ARID1B: variants seen among roughly 807,000 people sequenced by gnomAD.
The protein encoded by ARID1B is AT-rich interactive domain-containing protein 1B.
In ARID1B, 30 loss-of-function variants were observed where a neutral mutation model predicts 212.3. That is an observed-to-expected ratio of 0.14 (90% CI 0.11 to 0.19). ARID1B has a LOEUF of 0.19. ARID1B is among the 10% of genes least tolerant of loss of function. The probability of loss-of-function intolerance (pLI) is 1.00; values close to 1 mark genes in which losing one functional copy is unlikely to be tolerated. For missense variants in ARID1B, 2,891 were observed against 3,204.0 expected (o/e 0.90, Z 2.36); for synonymous variants, 1,402 against 1,301.7 (o/e 1.08, Z -1.66).
rs138087601 is a variant in ARID1B, at chr6:156,945,494, A to G, written c.2247+9918A>G. Among the ~76,000 whole-genome samples the G allele has an allele frequency of 5.5e-3, 839 of 151,842 alleles. 8 individuals are homozygous for G. Among genetic ancestry groups the G allele is most frequent in the African/African-American group, 0.02 (809 of 41,374 alleles). ...GCGGCCTCCTGGCACCTGTGCCTGC[A>G]GATTCTTTCCTGTTTTTAGAATTTC... On this transcript the variant is annotated intron_variant, in intron 4 of 19. Transcript: ENST00000636930.
chr6:156,976,062 A>C (rs769042818), intron 4 of ARID1B, among the ~76,000 whole-genome samples: 1 of 152,116 alleles, frequency 6.6e-6, no homozygotes, highest in Non-Finnish European at 1.5e-5. Flanking sequence ...CATAAAGTAC[A>C]TAAGCGCAAG....
intron 5 of ARID1B, among the ~76,000 whole-genome samples, chr6:157,104,245 A>G (rs1786305686): frequency 6.6e-6 from 1 of 152,246 alleles, no homozygotes; most frequent in Non-Finnish European, 1.5e-5. Context: ...GGAAGTAGCA[A>G]TGGAGAGATA....
chr6:157,152,507 C>G (rs1181506926), intron 8 of ARID1B: 1 of 152,178 alleles, frequency 6.6e-6, no homozygotes, highest in Non-Finnish European at 1.5e-5. Flanking sequence ...TGAATTTTAA[C>G]TTTTATGTCT....
intron 4 of ARID1B, among the ~76,000 whole-genome samples, chr6:156,947,755 G>GA (rs1306100226): frequency 1.3e-5 from 2 of 152,046 alleles, no homozygotes; most frequent in Non-Finnish European, 2.9e-5. Context: ...GGGATGAAGG[G>GA]AAAAACTTTT....
chr6:157,126,135 A>G (rs1231347259), intron 6 of ARID1B, among the ~76,000 whole-genome samples: 1 of 152,206 alleles, frequency 6.6e-6, no homozygotes, highest in Admixed American at 6.5e-5. Context: ...CGCAGTGACT[A>G]AAGGGCTCAC....
chr6:157,093,178 C>T (rs868215167), intron 5 of ARID1B, among the ~76,000 whole-genome samples: 3 of 152,316 alleles, frequency 2.0e-5, no homozygotes, highest in Admixed American at 2.0e-4. Flanking sequence ...CACTTGAGTA[C>T]ATTTTGGAAA....
intron 2 of ARID1B, among the ~76,000 whole-genome samples, chr6:156,876,956 G>A (rs1477504443): frequency 1.3e-5 from 2 of 152,122 alleles, no homozygotes; most frequent in South Asian, 2.1e-4. Context: ...GTGCAGTGGC[G>A]TGATCTCGGC....
At chr6:157,034,887 C>G (rs1781226258) in intron 4 of ARID1B, among the ~76,000 whole-genome samples, 1 of 152,114 alleles carries the variant, frequency 6.6e-6, no homozygotes, top group African/African-American at 2.4e-5. Flanking sequence ...AACATAAATA[C>G]TTTTGTAGAG....
chr6:156,895,543 T>A (rs1187044032), intron 2 of ARID1B, among the ~76,000 whole-genome samples: 2 of 152,182 alleles, frequency 1.3e-5, no homozygotes, highest in East Asian at 3.9e-4. Flanking sequence ...TCCTGGGGTG[T>A]CCCCTCCTGC....
chr6:157,133,141 A>T lies in ARID1B; in HGVS notation c.2695A>T (p.Ser899Cys). The change falls in exon 7 of 20, where the codon AGT becomes TGT. Residue 899 changes from serine to cysteine, a missense_variant. Around this residue, in one of 7 missense-constraint regions of ARID1B, gnomAD observed 1,643 missense variants for 1,544.0 expected, o/e 1.06. Coordinates refer to ENST00000636930, the MANE Select transcript of ARID1B (RefSeq NM_001374828.1). The part of the protein sequence containing the change: ...SPGGQMHAGI[S>C]SFQQSNSSGT... ...TGGGGGCCAGATGCATGCTGGAATC[A>T]GTAGCTTTCAGCAGAGTAACTCAAG... is the stretch of plus-strand genomic sequence containing the variant. The T allele has an allele frequency of 6.2e-7, 1 of 1,614,218 alleles. No homozygotes were observed. Among genetic ancestry groups the T allele is most frequent in the East Asian group, 2.2e-5 (1 of 44,888 alleles).
intron 4 of ARID1B, among the ~76,000 whole-genome samples, chr6:157,021,848 G>A (rs907117497): frequency 3.3e-5 from 5 of 152,080 alleles, no homozygotes; most frequent in African/African-American, 7.2e-5. Context: ...GACTCACGCA[G>A]GCACCGAGTG....
chr6:156,966,400 T>TC (rs1198109174), intron 4 of ARID1B, among the ~76,000 whole-genome samples: 3 of 145,560 alleles, frequency 2.1e-5, no homozygotes, highest in African/African-American at 7.9e-5. Context: ...TTTTTTTTTT[T>TC]TTTTTTTTTT....
intron 3 of ARID1B, among the ~76,000 whole-genome samples, chr6:156,914,561 T>C (rs984762382): frequency 2.3e-4 from 35 of 152,226 alleles, no homozygotes; most frequent in African/African-American, 7.5e-4. Context: ...GGCCCCTCTT[T>C]TTTTGTGGCT....
At chr6:156,789,583 T>G (rs755361928) in intron 1 of ARID1B, among the ~76,000 whole-genome samples, 22 of 152,112 alleles carry the variant, frequency 1.4e-4, no homozygotes, top group Non-Finnish European at 2.4e-4. Context: ...TTATATAGAT[T>G]AGGTTGGGGT....
intron 4 of ARID1B, among the ~76,000 whole-genome samples, chr6:157,034,795 T>C (rs1311572067): frequency 1.3e-5 from 2 of 152,238 alleles, no homozygotes; most frequent in Non-Finnish European, 2.9e-5. Flanking sequence ...GTTGCTGATA[T>C]TAAAATCTTA....
intron 4 of ARID1B, among the ~76,000 whole-genome samples, chr6:157,032,151 A>C (rs1781056668): frequency 6.6e-6 from 1 of 152,350 alleles, no homozygotes; most frequent in Admixed American, 6.5e-5. Flanking sequence ...CCAGCATGGC[A>C]CAAACTCTAG....
chr6:156,965,060 G>A (rs998329182), intron 4 of ARID1B, among the ~76,000 whole-genome samples: 2 of 152,214 alleles, frequency 1.3e-5, no homozygotes, highest in Non-Finnish European at 2.9e-5. Context: ...TGAATATACA[G>A]CTACATAAGT....
At chr6:157,044,425 T>A (rs1025654312) in intron 4 of ARID1B, among the ~76,000 whole-genome samples, 2 of 152,150 alleles carry the variant, frequency 1.3e-5, no homozygotes, top group African/African-American at 2.4e-5. Context: ...AACAAAATGA[T>A]GCAGTCGTTA....
At chr6:157,015,546 G>A (rs372293702) in intron 4 of ARID1B, among the ~76,000 whole-genome samples, 77 of 152,242 alleles carry the variant, frequency 5.1e-4, no homozygotes, top group African/African-American at 1.8e-3. Context: ...CAAGAAAAGT[G>A]CGAAGACTGT....
Sources: allele counts gnomAD v4.1 joint callset (sites outside exome capture counted in the v4.1 genomes callset), GRCh38; gene constraint gnomAD v4.1.1; regional missense constraint gnomAD v4.1.1; transcripts MANE v1.5; gene names NCBI Gene and HGNC (gene_info 2026-07-23, HGNC 2026-07-21).